SLC16A5: variants seen among roughly 807,000 people sequenced by gnomAD.
The protein encoded by SLC16A5 is solute carrier family 16 member 5, also known as monocarboxylate transporter 6.
A neutral mutation model predicts 33.2 loss-of-function variants in SLC16A5; 29 were observed. The observed-to-expected ratio is 0.87, with a 90% CI of 0.65 to 1.19. SLC16A5 has a LOEUF of 1.19. SLC16A5 is among the 50% of genes most tolerant of loss of function. SLC16A5 has a pLI of 0.00. For missense variants in SLC16A5, 606 were observed against 678.2 expected (o/e 0.89, Z 1.18); for synonymous variants, 248 against 284.1 (o/e 0.87, Z 1.28).
At chr17:75,105,105 G>A (rs1480663595) in intron 6 of SLC16A5, 2 of 985,328 alleles carry the variant, frequency 2.0e-6, no homozygotes, top group Non-Finnish European at 2.4e-6. Flanking sequence ...GAAGGTCATT[G>A]GGCCTCGCAC....
chr17:75,093,487 G>A (rs2073670660), intron 2 of SLC16A5, 102 bp from the exon 3 acceptor site: 2 of 1,536,504 alleles, frequency 1.3e-6, no homozygotes, highest in African/African-American at 1.4e-5. Context: ...TGGTACTTGG[G>A]TATGAGGAAG....
At chr17:75,109,968 C>T, downstream of SLC16A5, 2 of 304,656 alleles carry the variant, frequency 6.6e-6, no homozygotes, top group East Asian at 7.0e-5. This position sits in a 1 kb window ranked among gnomAD's most constrained non-coding sequence, Gnocchi z 5.0. Context: ...GCCGGGAGCC[C>T]GGAACCGAGC....
rs563880337 is a variant in SLC16A5 at position 75,096,789 on chromosome 17, C to T, written c.200-1249C>T. ...TCAGGCGATCCACCTGCCTCGGCCT[C>T]CCAAAGTGCTGGGATTACAGGCGTG... is the stretch of plus-strand genomic sequence containing the variant. On this transcript the variant is annotated intron_variant, in intron 3 of 6. Coordinates refer to ENST00000329783, the MANE Select transcript of SLC16A5 (RefSeq NM_004695.4). Among the ~76,000 whole-genome samples the T allele has an allele frequency of 3.3e-5, 5 of 151,464 alleles. No individual in the cohort carries two copies. In the South Asian group the frequency reaches 1.0e-3, roughly 32 times the overall value.
intron 3 of SLC16A5, among the ~76,000 whole-genome samples, chr17:75,095,247 G>T (rs531259481): frequency 6.6e-6 from 1 of 152,322 alleles, no homozygotes; most frequent in Admixed American, 6.5e-5. Flanking sequence ...CAGGGTTGGG[G>T]CAGGGAGTGG....
intron 3 of SLC16A5, among the ~76,000 whole-genome samples, chr17:75,096,237 G>A (rs955465640): frequency 1.3e-5 from 2 of 151,856 alleles, no homozygotes; most frequent in Non-Finnish European, 2.9e-5. Flanking sequence ...ACCTGCCCAA[G>A]GCTGAAGAGT....
intron 3 of SLC16A5, among the ~76,000 whole-genome samples, chr17:75,096,280 G>A (rs758908097): frequency 1.1e-4 from 16 of 151,660 alleles, no homozygotes; most frequent in Non-Finnish European, 2.2e-4. Context: ...CCTGTGTCCC[G>A]CCCGGCCACA....
At chr17:75,096,904 C>T (rs1433356028) in intron 3 of SLC16A5, among the ~76,000 whole-genome samples, 10 of 132,928 alleles carry the variant, frequency 7.5e-5, no homozygotes, top group African/African-American at 2.1e-4. Context: ...TGGAGCGCAT[C>T]GGGTTCTGCC....
At chr17:75,104,931 C>T in intron 6 of SLC16A5, 4 of 985,418 alleles carry the variant, frequency 4.1e-6, no homozygotes, top group Non-Finnish European at 3.6e-6. Context: ...ACTGGACCTT[C>T]TCGTCCAGCC....
At chr17:75,107,600 C>T (rs368254271), downstream of SLC16A5, among the ~76,000 whole-genome samples, 18 of 152,148 alleles carry the variant, frequency 1.2e-4, no homozygotes, top group East Asian at 9.7e-4. Context: ...GTCAAGATAT[C>T]GAGACCATCC....
At position 75,100,858 on chromosome 17, in the gene SLC16A5, AG is replaced by A. The variant is rs1349863682; in HGVS notation, c.1153+46del. The A allele has an allele frequency of 2.7e-6, 4 of 1,499,320 alleles. No homozygotes were observed. In the African/African-American group the frequency reaches 5.5e-5, roughly 21 times the overall value. 92.9% of individuals were successfully genotyped at this position (1,499,320 alleles called of 1,614,324 possible). On this transcript the variant is annotated intron_variant, in intron 5 of 6. Transcript: ENST00000329783. ...GAGGGCAGCCAGATAGTGTGGTAAA[AG>A]GGGAACAGTTTAGACAGATCTGGGC... is the stretch of plus-strand genomic sequence containing the variant.
chr17:75,092,026 GGGGTGTGT>G (rs1422085909), intron 2 of SLC16A5, among the ~76,000 whole-genome samples: 7 of 61,792 alleles, frequency 1.1e-4, no homozygotes, highest in Admixed American at 1.0e-3. Context: ...AGATGTGAGG[GGGGTGTGT>G]GTGTGTGTGT....
chr17:75,093,181 G>T (rs1222161973), intron 2 of SLC16A5: 3 of 536,294 alleles, frequency 5.6e-6, no homozygotes, highest in Admixed American at 3.2e-5. Context: ...GGGTGCATTT[G>T]GGGGGCGTTG....
intron 2 of SLC16A5, among the ~76,000 whole-genome samples, chr17:75,091,260 G>A (rs1224041432): frequency 6.6e-6 from 1 of 152,192 alleles, no homozygotes. Context: ...TGACATCGGG[G>A]CAACACAGAG....
chr17:75,090,929 C>T (rs1056758497), intron 2 of SLC16A5, among the ~76,000 whole-genome samples: 2 of 152,204 alleles, frequency 1.3e-5, no homozygotes, highest in African/African-American at 4.8e-5. Context: ...TCCCCAAAAA[C>T]ACTGCCCCAA....
intron 4 of SLC16A5, 98 bp downstream of exon 4, chr17:75,098,279 C>A: frequency 1.3e-6 from 2 of 1,506,264 alleles, no homozygotes; most frequent in Non-Finnish European, 1.8e-6. Context: ...TCTGGAACTG[C>A]TGGCTGGGTG....
At chr17:75,092,488 C>T (rs1176807351) in intron 2 of SLC16A5, among the ~76,000 whole-genome samples, 1 of 151,846 alleles carries the variant, frequency 6.6e-6, no homozygotes. Context: ...TCCCGAGTAG[C>T]TGGGATTTTT....
At chr17:75,093,094 A>G (rs985077197) in intron 2 of SLC16A5, among the ~76,000 whole-genome samples, 9 of 152,128 alleles carry the variant, frequency 5.9e-5, no homozygotes, top group African/African-American at 1.9e-4. Context: ...CAGCACCAAT[A>G]GTAACTTTGC....
intron 3 of SLC16A5, 28 bp downstream of exon 3, chr17:75,093,863 G>C (rs1355392075): frequency 6.2e-7 from 1 of 1,605,954 alleles, no homozygotes; most frequent in East Asian, 2.2e-5. Context: ...GGGCCGATGA[G>C]AAAGTCCTAG....
chr17:75,092,797 A>G (rs1239600874), intron 2 of SLC16A5, among the ~76,000 whole-genome samples: 1 of 139,186 alleles, frequency 7.2e-6, no homozygotes, highest in African/African-American at 2.7e-5. Flanking sequence ...GTGACTGGGT[A>G]TGTGTCTGTG....
Sources: allele counts gnomAD v4.1 joint callset (sites outside exome capture counted in the v4.1 genomes callset), GRCh38; gene constraint gnomAD v4.1.1; non-coding constraint Gnocchi (gnomAD v3.1); transcripts MANE v1.5; gene names NCBI Gene and HGNC (gene_info 2026-07-23, HGNC 2026-07-21).